VRK2: variants seen among roughly 807,000 people sequenced by gnomAD.
The protein encoded by VRK2 is VRK serine/threonine kinase 2, also known as serine/threonine-protein kinase VRK2.
Under a neutral mutation model 57.6 loss-of-function variants are expected in VRK2, and 60 were observed. The observed-to-expected ratio is 1.04, with a 90% CI of 0.85 to 1.29. The LOEUF is 1.29. Among genes scored for constraint, VRK2 ranks in the 50% most tolerant of loss-of-function variants. The probability of loss-of-function intolerance (pLI) is 0.00; values close to 1 mark genes in which losing one functional copy is unlikely to be tolerated. For synonymous variants in VRK2, 231 were observed against 199.2 expected (o/e 1.16, Z -1.35); for missense variants, 705 against 588.1 (o/e 1.20, Z -2.06).
chr2:58,088,286 A>G (rs1671910632), intron 5 of VRK2, 55 bp from the exon 6 acceptor site: 2 of 1,237,810 alleles, frequency 1.6e-6, no homozygotes, highest in South Asian at 1.3e-5. Context: ...TTAAATAGAC[A>G]GTTTCAAGCA....
chr2:57,958,488 A>T (rs1440822582), intron 1 of VRK2, among the ~76,000 whole-genome samples: 1 of 151,554 alleles, frequency 6.6e-6, no homozygotes, highest in Non-Finnish European at 1.5e-5. Context: ...CACATATATC[A>T]TATATGTGTC....
intron 1 of VRK2, among the ~76,000 whole-genome samples, chr2:57,919,830 A>G (rs759313554): frequency 6.6e-6 from 1 of 152,034 alleles, no homozygotes; most frequent in Non-Finnish European, 1.5e-5. Flanking sequence ...ATTTTTTTTT[A>G]AAAAGTATCT....
chr2:58,003,388 C>T (rs1296032270), intron 1 of VRK2, among the ~76,000 whole-genome samples: 2 of 151,888 alleles, frequency 1.3e-5, no homozygotes, highest in South Asian at 4.2e-4. Flanking sequence ...AAACACCTGG[C>T]TTTAGCACCA....
chr2:58,117,181 G>C (rs191037900), intron 7 of VRK2, among the ~76,000 whole-genome samples: 84 of 152,282 alleles, frequency 5.5e-4, no homozygotes, highest in African/African-American at 1.9e-3. Flanking sequence ...TCTCAGGGTT[G>C]CTGCCACACA....
chr2:57,955,768 T>A (rs1175193447), intron 1 of VRK2, among the ~76,000 whole-genome samples: 2 of 152,210 alleles, frequency 1.3e-5, no homozygotes, highest in Admixed American at 6.5e-5. Context: ...TTAAATTTTT[T>A]AAATAAAATT....
chr2:57,940,441 T>A (rs137923708), intron 1 of VRK2, among the ~76,000 whole-genome samples: 4 of 152,188 alleles, frequency 2.6e-5, no homozygotes, highest in African/African-American at 4.8e-5. Context: ...CTGAGTCCAC[T>A]GATTAAAGTG....
chr2:57,952,633 T>C (rs904011047), intron 1 of VRK2, among the ~76,000 whole-genome samples: 12 of 152,068 alleles, frequency 7.9e-5, no homozygotes, highest in African/African-American at 2.7e-4. Flanking sequence ...TAAAAGTGAA[T>C]TAAAGTAACA....
chr2:58,061,698 T>C (rs1292075599), intron 2 of VRK2, among the ~76,000 whole-genome samples: 4 of 152,000 alleles, frequency 2.6e-5, no homozygotes, highest in South Asian at 4.1e-4. Flanking sequence ...AAAGTGAAAA[T>C]GTAATGATAG....
At chr2:58,048,495 C>A (rs1489412758) in intron 1 of VRK2, 5 of 1,157,818 alleles carry the variant, frequency 4.3e-6, no homozygotes, top group Middle Eastern at 2.3e-4. Flanking sequence ...TTTCTTTCTT[C>A]ATTGGAAATT....
chr2:58,076,728 C>T (rs1463600687), intron 2 of VRK2, among the ~76,000 whole-genome samples: 2 of 151,646 alleles, frequency 1.3e-5, no homozygotes, highest in African/African-American at 2.4e-5. Context: ...ATCTCATGCA[C>T]ATCTATGGTT....
intron 3 of VRK2, among the ~76,000 whole-genome samples, chr2:58,038,700 T>C (rs1351047065): frequency 1.3e-5 from 2 of 152,142 alleles, no homozygotes; most frequent in Non-Finnish European, 2.9e-5. Flanking sequence ...GTTAAAATGG[T>C]ATATATGCCT....
intron 1 of VRK2, among the ~76,000 whole-genome samples, chr2:57,979,650 G>A (rs868279747): frequency 1.3e-5 from 2 of 152,102 alleles, no homozygotes; most frequent in African/African-American, 4.8e-5. Flanking sequence ...CTAAAATTCA[G>A]TTGTGAATAT....
At chr2:57,990,654 CAATT>C (rs1277424020) in intron 1 of VRK2, among the ~76,000 whole-genome samples, 1 of 152,188 alleles carries the variant, frequency 6.6e-6, no homozygotes. Flanking sequence ...ATCATTCAAT[CAATT>C]AAAGAGAAGA....
chr2:58,066,036 G>A (rs1359605922), intron 2 of VRK2, among the ~76,000 whole-genome samples: 1 of 152,086 alleles, frequency 6.6e-6, no homozygotes, highest in Non-Finnish European at 1.5e-5. Flanking sequence ...GAATTTCCAC[G>A]TACACAATCA....
At chr2:58,101,021 G>A (rs1419187276) in intron 7 of VRK2, among the ~76,000 whole-genome samples, 1 of 151,708 alleles carries the variant, frequency 6.6e-6, no homozygotes, top group South Asian at 2.1e-4. Flanking sequence ...GAAATCCTAT[G>A]TAAATGATAG....
intron 1 of VRK2, among the ~76,000 whole-genome samples, chr2:57,973,227 A>C (rs1672148805): frequency 6.6e-6 from 1 of 151,882 alleles, no homozygotes; most frequent in South Asian, 2.1e-4. Context: ...GAGAAGTAAT[A>C]ACTCAGTGTA....
At chr2:57,985,713 A>G (rs1361452802) in intron 1 of VRK2, among the ~76,000 whole-genome samples, 1 of 152,110 alleles carries the variant, frequency 6.6e-6, no homozygotes, top group Admixed American at 6.5e-5. Flanking sequence ...TCAGTAGGCA[A>G]GAAGGCAACA....
At chr2:58,124,542 G>C (rs1403642487) in intron 8 of VRK2, among the ~76,000 whole-genome samples, 4 of 152,156 alleles carry the variant, frequency 2.6e-5, no homozygotes, top group Non-Finnish European at 5.9e-5. Context: ...AAGACAATTA[G>C]ATATTTGCAC....
chr2:57,995,336 T>G (rs1450468150), intron 1 of VRK2, among the ~76,000 whole-genome samples: 8 of 152,266 alleles, frequency 5.3e-5, no homozygotes, highest in Middle Eastern at 3.4e-3. Context: ...TCACCACCAA[T>G]CTCAATAGAA....
Sources: gnomAD v4.1 joint callset for allele counts (sites outside exome capture counted in the v4.1 genomes callset) on GRCh38, gnomAD v4.1.1 for gene constraint, MANE v1.5 for transcripts, NCBI Gene and HGNC (gene_info 2026-07-23, HGNC 2026-07-21) for gene names.